B9D1: variants seen among roughly 807,000 people sequenced by gnomAD.
The protein encoded by B9D1 is B9 domain-containing protein 1.
In B9D1, 20 loss-of-function variants were observed where a neutral mutation model predicts 26.1. That is an observed-to-expected ratio of 0.77 (90% CI 0.54 to 1.12). The LOEUF is 1.12. Among genes scored for constraint, B9D1 ranks in the 50% most tolerant of loss-of-function variants. The probability of loss-of-function intolerance (pLI) is 0.00; values close to 1 mark genes in which losing one functional copy is unlikely to be tolerated. For missense variants in B9D1, 260 were observed against 273.7 expected, an observed-to-expected ratio of 0.95 and a Z score of 0.35; for synonymous variants, 105 against 103.1, an observed-to-expected ratio of 1.02 and a Z score of -0.11.
intron 6 of B9D1, 73 bp from the exon 7 acceptor site, chr17:19,343,534 A>G (rs775462050): frequency 1.9e-6 from 3 of 1,605,456 alleles, no homozygotes; most frequent in Non-Finnish European, 2.6e-6. Flanking sequence ...TGGGAATCTC[A>G]GCCTCAGCGT....
At chr17:19,343,985 C>A in intron 5 of B9D1, 128 bp from the exon 6 acceptor site, 2 of 1,417,112 alleles carry the variant, frequency 1.4e-6, no homozygotes, top group Middle Eastern at 2.5e-4. Context: ...CCCACCCCCA[C>A]CAGGAGTCAG....
At chr17:19,343,486 C>A in intron 6 of B9D1, 25 bp from the exon 7 acceptor site, 1 of 1,614,036 alleles carries the variant, frequency 6.2e-7, no homozygotes, top group Non-Finnish European at 8.5e-7. Flanking sequence ...GCAGCATCAG[C>A]CAGGCTGGGC....
downstream of B9D1, among the ~76,000 whole-genome samples, chr17:19,340,459 A>T (rs1282713855): frequency 5.8e-5 from 7 of 120,684 alleles, no homozygotes; most frequent in Non-Finnish European, 8.7e-5. Context: ...AGGCGTCAGC[A>T]CCATGTCCGG....
At chr17:19,356,386 C>G (rs1028719494) in intron 3 of B9D1, among the ~76,000 whole-genome samples, 32 of 152,218 alleles carry the variant, frequency 2.1e-4, no homozygotes, top group African/African-American at 7.5e-4. Flanking sequence ...GCCACCATGC[C>G]CAGCCCAAAG....
chr17:19,371,715 C>T (rs1156950928), intron 1 of B9D1: 1 of 152,270 alleles, frequency 6.6e-6, no homozygotes, highest in Non-Finnish European at 1.5e-5. Context: ...TCCATCCTTC[C>T]CAAGACTGTC....
intron 1 of B9D1, among the ~76,000 whole-genome samples, chr17:19,373,383 C>T (rs2041459839): frequency 6.6e-6 from 1 of 151,980 alleles, no homozygotes; most frequent in South Asian, 2.1e-4. Flanking sequence ...CCTTTATATA[C>T]CTCTTTTTTT....
chr17:19,340,033 A>ACCCCCCCCCCC (rs56279237), downstream of B9D1, among the ~76,000 whole-genome samples: 14 of 110,576 alleles, frequency 1.3e-4, 1 homozygote, highest in East Asian at 1.0e-3. Flanking sequence ...CACATGCCCA[A>ACCCCCCCCCCC]CCCCCCCCCC....
chr17:19,357,779 G>A, intron 3 of B9D1, 61 bp downstream of exon 3: 1 of 1,232,662 alleles, frequency 8.1e-7, no homozygotes, highest in Non-Finnish European at 1.2e-6. Context: ...GGCAGAGGCT[G>A]TCTTGGGGGT....
At chr17:19,375,913 T>C (rs1161470629) in intron 1 of B9D1, among the ~76,000 whole-genome samples, 2 of 152,164 alleles carry the variant, frequency 1.3e-5, no homozygotes, top group Non-Finnish European at 2.9e-5. Context: ...AAGGAAAACA[T>C]GTCCACAAAA....
At chr17:19,360,434 G>A in intron 1 of B9D1, 46 bp from the exon 2 acceptor site, 1 of 1,562,542 alleles carries the variant, frequency 6.4e-7, no homozygotes, top group Non-Finnish European at 8.8e-7. Context: ...TTCATGCTGA[G>A]GCCAATGCAT....
intron 1 of B9D1, among the ~76,000 whole-genome samples, chr17:19,377,322 G>A (rs797012953): frequency 6.6e-6 from 1 of 152,126 alleles, no homozygotes; most frequent in Non-Finnish European, 1.5e-5. Context: ...GCTCAACTGT[G>A]AATATACCAA....
At position 19,362,712 on chromosome 17, in the gene B9D1, C is replaced by T. The variant is rs913378878; in HGVS notation, c.-143G>A. 6 of 1,414,246 alleles carry T rather than the reference C, an allele frequency of 4.2e-6. No individual in the cohort carries two copies. Among genetic ancestry groups the T allele is most frequent in the Non-Finnish European group, 5.6e-6 (6 of 1,068,116 alleles). 87.6% of individuals were successfully genotyped at this position (1,414,246 alleles called of 1,614,324 possible). ...CCTTCGCGAAGGCCACGCGAGTGCG[C>T]GTGTGGCATGCGCAGGCGCAGTGAA... On this transcript the variant is annotated 5_prime_UTR_variant, in exon 1 of 7. Coordinates refer to ENST00000261499, the MANE Select transcript of B9D1 (RefSeq NM_015681.6).
At chr17:19,367,981 G>C (rs1911685278) in intron 1 of B9D1, among the ~76,000 whole-genome samples, 1 of 152,180 alleles carries the variant, frequency 6.6e-6, no homozygotes, top group East Asian at 1.9e-4. Context: ...GAGCACTCTG[G>C]GGGGCCCTGA....
Position 19,359,343 on chromosome 17 carries a change from G to C in B9D1, c.132+977C>G, listed in dbSNP as rs1910750757. The stretch of plus-strand genomic sequence containing the variant: ...TCTCCTGCTGGCTCGCTCTCCAGTG[G>C]CCACACAGCCTCCTTGCTGGTCCTC... On this transcript the variant is annotated intron_variant, in intron 2 of 6. Transcript: ENST00000261499. The surrounding 1 kb of genome is among the most constrained non-coding windows in gnomAD (Gnocchi z 5.0). Among the ~76,000 whole-genome samples, 1 of 152,284 alleles carries C rather than the reference G, an allele frequency of 6.6e-6. No homozygotes were observed. The highest frequency in any genetic ancestry group is 1.9e-4 in the East Asian group (1 of 5,188).
chr17:19,337,689 G>A (rs908813355), downstream of B9D1: 28 of 1,530,834 alleles, frequency 1.8e-5, no homozygotes, highest in Non-Finnish European at 2.5e-5. Flanking sequence ...AGTGACTCAG[G>A]GACTCAAGCC....
intron 1 of B9D1, among the ~76,000 whole-genome samples, chr17:19,376,471 T>G (rs1912105857): frequency 6.6e-6 from 1 of 151,792 alleles, no homozygotes; most frequent in Non-Finnish European, 1.5e-5. Context: ...TTCAACTGCA[T>G]AATAAAACCT....
intron 2 of B9D1, 56 bp downstream of exon 2, chr17:19,360,264 T>A: frequency 1.9e-6 from 3 of 1,562,764 alleles, no homozygotes; most frequent in Non-Finnish European, 2.6e-6. Flanking sequence ...ATATGACACC[T>A]TCAGAAACCC....
At chr17:19,357,517 G>C (rs1016294080) in intron 3 of B9D1, 17 of 414,660 alleles carry the variant, frequency 4.1e-5, no homozygotes, top group African/African-American at 3.3e-4. Flanking sequence ...CAGGCACAGA[G>C]TCAGGCCTCC....
At chr17:19,345,008 G>A (rs1411039885) in intron 5 of B9D1, among the ~76,000 whole-genome samples, 1 of 152,212 alleles carries the variant, frequency 6.6e-6, no homozygotes, top group Admixed American at 6.5e-5. Context: ...TGGGGCCTGG[G>A]AGCATCCCCA....
Sources: allele counts gnomAD v4.1 joint callset (sites outside exome capture counted in the v4.1 genomes callset), GRCh38; gene constraint gnomAD v4.1.1; non-coding constraint Gnocchi (gnomAD v3.1); transcripts MANE v1.5; gene names NCBI Gene and HGNC (gene_info 2026-07-23, HGNC 2026-07-21).